PFN2: variants seen among roughly 807,000 people sequenced by gnomAD.
PFN2 encodes profilin-2.
PFN2 carries 8 observed loss-of-function variants against 15.3 expected under a neutral mutation model. The observed-to-expected ratio is 0.52, with a 90% CI of 0.31 to 0.95. The LOEUF is 0.95. Among genes scored for constraint, PFN2 ranks in the 40% least tolerant of loss-of-function variants. The pLI, the probability that PFN2 is intolerant of heterozygous loss-of-function variation, is 0.05. For synonymous variants in PFN2, 79 were observed against 67.9 expected (o/e 1.16, Z -0.81); for missense variants, 111 against 182.3 (o/e 0.61, Z 2.25).
At chr3:149,969,626 T>C (rs113012590) in intron 1 of PFN2, among the ~76,000 whole-genome samples, 2 of 152,210 alleles carry the variant, frequency 1.3e-5, no homozygotes, top group African/African-American at 2.4e-5. Context: ...GCACCCTTAA[T>C]AGGGGACCTG....
intron 1 of PFN2, among the ~76,000 whole-genome samples, chr3:149,969,545 A>G (rs1367191116): frequency 6.6e-6 from 1 of 152,246 alleles, no homozygotes; most frequent in Non-Finnish European, 1.5e-5. Flanking sequence ...ACGAGACCTT[A>G]AAGTACTACT....
chr3:149,965,092 C>T lies in PFN2; in HGVS notation c.*1397G>A, dbSNP rs1722645511. 4.4e-6 allele frequency: 3 copies of T among 687,434 alleles called. No individual in the cohort carries two copies. Among genetic ancestry groups the T allele is most frequent in the Non-Finnish European group, 2.3e-6 (1 of 431,570 alleles). 42.6% of individuals were successfully genotyped at this position (687,434 alleles called of 1,614,324 possible). ...CTGTACATTATCCACAAGGCCCAAA[C>T]AATAGAAGCAAATACTAGAATGTCC... On this transcript the variant is annotated 3_prime_UTR_variant, in exon 3 of 3. Coordinates refer to ENST00000239940, the MANE Select transcript of PFN2 (RefSeq NM_053024.4).
chr3:149,966,218 A>C lies in PFN2; in HGVS notation c.*271T>G. ...AAGCGAGTTCATATGCTTTCTTGTT[A>C]AGTGTGCCTCCGTGGACACCTTCCT... On this transcript the variant is annotated 3_prime_UTR_variant, in exon 3 of 3. Coordinates refer to ENST00000239940, the MANE Select transcript of PFN2 (RefSeq NM_053024.4). 6.2e-7 allele frequency: 1 copy of C among 1,613,724 alleles called. No homozygotes were observed. Among genetic ancestry groups the C allele is most frequent in the South Asian group, 1.1e-5 (1 of 91,076 alleles).
chr3:149,965,362 G>A lies in PFN2; in HGVS notation c.*1127C>T, dbSNP rs1188327941. Reference sequence around the variant, plus strand: ...TGTTGGGATACCTAATGTCCATAATGGCAGCCTTTTACAATTTTACTAAAG... The same window carrying A: ...TGTTGGGATACCTAATGTCCATAATAGCAGCCTTTTACAATTTTACTAAAG... On this transcript the variant is annotated 3_prime_UTR_variant, in exon 3 of 3. Coordinates refer to ENST00000239940, the MANE Select transcript of PFN2 (RefSeq NM_053024.4). The A allele has an allele frequency of 2.7e-6, 4 of 1,488,838 alleles. No individual in the cohort carries two copies. In the African/African-American group the frequency reaches 4.3e-5, roughly 16 times the overall value. 92.2% of individuals were successfully genotyped at this position (1,488,838 alleles called of 1,614,324 possible).
Position 149,966,328 on chromosome 3 carries a change from GA to G in PFN2, c.*160del. 6.2e-7 allele frequency: 1 copy of G among 1,601,318 alleles called. No homozygotes were observed. Among genetic ancestry groups the G allele is most frequent in the Non-Finnish European group, 8.5e-7 (1 of 1,174,366 alleles). ...TTATTTTGGGGGGGGAGGGCAGAAA[GA>G]AAGACACCTTTCCCCACCAACAGAG... On this transcript the variant is annotated 3_prime_UTR_variant, in exon 3 of 3. Coordinates refer to ENST00000239940, the MANE Select transcript of PFN2 (RefSeq NM_053024.4).
chr3:149,968,654 C>T lies in PFN2; in HGVS notation c.133-104G>A, dbSNP rs576601734. 5 of 873,816 alleles carry T rather than the reference C, an allele frequency of 5.7e-6. No homozygotes were observed. The African/African-American group carries it at 6.7e-5, about 12-fold the overall frequency. 54.1% of individuals were successfully genotyped at this position (873,816 alleles called of 1,614,324 possible). ...AGGAAGGGCTGTAGCTAGGCTTATGCTACCACTGCCAGATAGCCACATTTC... is the reference window on the plus strand; with the variant it reads ...AGGAAGGGCTGTAGCTAGGCTTATGTTACCACTGCCAGATAGCCACATTTC... On this transcript the variant is annotated intron_variant, in intron 1 of 2. Coordinates refer to ENST00000239940, the MANE Select transcript of PFN2 (RefSeq NM_053024.4).
Position 149,965,708 on chromosome 3 carries a change from G to GA in PFN2, c.*780dup, listed in dbSNP as rs1431464756. Reference sequence around the variant, plus strand: ...CAAACCAAATGCCTATGTGCGAAGGGAGGGGGGGCGGGAAAAAGAGAAGAG... The same window carrying GA: ...CAAACCAAATGCCTATGTGCGAAGGGAAGGGGGGGCGGGAAAAAGAGAAGAG... On this transcript the variant is annotated 3_prime_UTR_variant, in exon 3 of 3. Transcript: ENST00000239940. 8 of 869,648 alleles carry GA rather than the reference G, an allele frequency of 9.2e-6. No homozygotes were observed. The highest frequency in any genetic ancestry group is 1.1e-5 in the Non-Finnish European group (8 of 760,434). The allele number at this position is 869,648 out of a possible 1,614,324, so 53.9% of individuals were successfully genotyped here.
chr3:149,966,083 G>A lies in PFN2; in HGVS notation c.*406C>T. ...TTAGAAAATAGGTAAAGAAAAATTA[G>A]CTACCATCTACAGTTTGGTAGCATT... On this transcript the variant is annotated 3_prime_UTR_variant, in exon 3 of 3. Coordinates refer to ENST00000239940, the MANE Select transcript of PFN2 (RefSeq NM_053024.4). 2.6e-6 allele frequency: 4 copies of A among 1,533,514 alleles called. No homozygotes were observed. Among genetic ancestry groups the A allele is most frequent in the Non-Finnish European group, 3.5e-6 (4 of 1,143,808 alleles). The allele number at this position is 1,533,514 out of a possible 1,614,324, so 95.0% of individuals were successfully genotyped here.
chr3:149,967,587 A>C (rs530886489), intron 2 of PFN2, among the ~76,000 whole-genome samples: 3 of 152,142 alleles, frequency 2.0e-5, no homozygotes, highest in Non-Finnish European at 4.4e-5. Context: ...CTACAGAAGC[A>C]CTCTCTATTT....
chr3:149,966,664 G>A (rs541600604), intron 2 of PFN2, 78 bp from the exon 3 acceptor site: 34 of 1,044,890 alleles, frequency 3.3e-5, no homozygotes, highest in South Asian at 2.7e-4. Flanking sequence ...GACAGAACCC[G>A]GATTAATAAG....
intron 2 of PFN2, among the ~76,000 whole-genome samples, chr3:149,967,350 C>T (rs953377189): frequency 3.0e-4 from 46 of 152,150 alleles, no homozygotes; most frequent in Admixed American, 2.3e-3. Context: ...TTCTTTTCAG[C>T]GTATAGTGCA....
Position 149,965,641 on chromosome 3 carries a change from T to C in PFN2, c.*848A>G, listed in dbSNP as rs1006565637. ...AGCTCATCAACAAAAGGGATTTTAATTGGTTAAAAAAAAACAGGCACTGCA... is the reference window on the plus strand; with the variant it reads ...AGCTCATCAACAAAAGGGATTTTAACTGGTTAAAAAAAAACAGGCACTGCA... On this transcript the variant is annotated 3_prime_UTR_variant, in exon 3 of 3. Transcript: ENST00000239940. 4.1e-5 allele frequency: 44 copies of C among 1,064,588 alleles called. 1 individual carries two copies. Among genetic ancestry groups the C allele is most frequent in the African/African-American group, 1.7e-5 (1 of 57,850 alleles). 65.9% of individuals were successfully genotyped at this position (1,064,588 alleles called of 1,614,324 possible). A position where few individuals can be genotyped will look rare whatever the true frequency, so the allele number is the denominator to read the frequency against.
rs746143233 is a variant in PFN2, at chr3:149,968,488, A to G, written c.195T>C (p.Thr65=). 1 of 1,613,890 alleles carries G rather than the reference A, an allele frequency of 6.2e-7. No homozygotes were observed. The highest frequency in any genetic ancestry group is 1.1e-5 in the South Asian group (1 of 91,078). Residue 65 remains threonine, a synonymous_variant, in exon 2 of 3, where the codon ACT becomes ACC. Coordinates refer to ENST00000239940, the MANE Select transcript of PFN2 (RefSeq NM_053024.4). The part of the protein sequence containing the change: ...DREGFFTNGL[T]LGAKKCSVIR... ...TCACTGAGCATTTCTTCGCGCCAAG[A>G]GTCAAACCGTTGGTAAAGAAACCTT...
intron 2 of PFN2, among the ~76,000 whole-genome samples, chr3:149,967,366 G>A (rs935700931): frequency 6.6e-6 from 1 of 152,170 alleles, no homozygotes. Context: ...GTGCAGCTAA[G>A]GTTTAAAGAG....
In PFN2 at chr3:149,965,236, A is replaced by C; in HGVS notation, c.*1253T>G. The C allele has an allele frequency of 5.9e-6, 9 of 1,529,028 alleles. No individual in the cohort carries two copies. The highest frequency in any genetic ancestry group is 7.9e-6 in the Non-Finnish European group (9 of 1,146,016). 94.7% of individuals were successfully genotyped at this position (1,529,028 alleles called of 1,614,324 possible). A position where few individuals can be genotyped will look rare whatever the true frequency, so the allele number is the denominator to read the frequency against. On this transcript the variant is annotated 3_prime_UTR_variant, in exon 3 of 3. Transcript: ENST00000239940. ...AATACATATGAAAAAAATTCATCACAAGACAGCCAAGTCCACAATAATGCA... is the reference window on the plus strand; with the variant it reads ...AATACATATGAAAAAAATTCATCACCAGACAGCCAAGTCCACAATAATGCA...
chr3:149,968,398 C>T lies in PFN2; in HGVS notation c.285G>A (p.Gly95=). The change falls in exon 2 of 3, where the codon GGG becomes GGA. Residue 95 remains glycine (G), a synonymous_variant. Transcript: ENST00000239940. ...TMDIRTKSQG[G]EPTYNVAVGR... The stretch of plus-strand genomic sequence containing the variant: ...CGACAGCCACATTGTATGTTGGCTC[C>T]CCACCTTGACTCTTTGTCCGGATGT... The T allele has an allele frequency of 6.2e-7, 1 of 1,614,132 alleles. No individual in the cohort carries two copies. The highest frequency in any genetic ancestry group is 8.5e-7 in the Non-Finnish European group (1 of 1,180,020).
Position 149,966,398 on chromosome 3 carries a change from G to GC in PFN2, c.*90dup, listed in dbSNP as rs1722693372. Reference sequence around the variant, plus strand: ...GGTTCATACCCCATCACCCTGCATTGCTAATAAAATTTCCAGAATTAAGAC... The same window carrying GC: ...GGTTCATACCCCATCACCCTGCATTGCCTAATAAAATTTCCAGAATTAAGAC... On this transcript the variant is annotated 3_prime_UTR_variant, in exon 3 of 3. Transcript: ENST00000239940. 5 of 1,590,478 alleles carry GC rather than the reference G, an allele frequency of 3.1e-6. No homozygotes were observed. Among genetic ancestry groups the GC allele is most frequent in the Non-Finnish European group, 3.4e-6 (4 of 1,170,714 alleles).
At chr3:149,968,257 A>G in intron 2 of PFN2, 101 bp downstream of exon 2, 2 of 1,060,548 alleles carry the variant, frequency 1.9e-6, no homozygotes, top group East Asian at 2.4e-5. Context: ...AAACCACCTT[A>G]ATAGCCATTA....
chr3:149,970,477 G>A (rs1018235573), intron 1 of PFN2: 1 of 296,768 alleles, frequency 3.4e-6, no homozygotes. Flanking sequence ...TGGGAACGCC[G>A]GGGGCGCCCG....
Sources: gnomAD v4.1 joint callset for allele counts (sites outside exome capture counted in the v4.1 genomes callset) on GRCh38, gnomAD v4.1.1 for gene constraint, MANE v1.5 for transcripts, NCBI Gene and HGNC (gene_info 2026-07-23, HGNC 2026-07-21) for gene names.